Variants in SLCO3A1 observed in about 807,000 individuals in gnomAD.
SLCO3A1 encodes the protein solute carrier organic anion transporter family member 3A1.
SLCO3A1 carries 27 observed loss-of-function variants against 63.1 expected under a neutral mutation model. That is an observed-to-expected ratio of 0.43 (90% CI 0.32 to 0.59). The LOEUF is 0.59. SLCO3A1 is among the 20% of genes least tolerant of loss of function. The pLI is 0.09. For missense variants in SLCO3A1, 773 were observed against 945.8 expected (o/e 0.82, Z 2.40); for synonymous variants, 473 against 409.9 (o/e 1.15, Z -1.86).
chr15:91,922,717 T>G (rs1053592801), intron 2 of SLCO3A1, among the ~76,000 whole-genome samples: 2 of 152,256 alleles, frequency 1.3e-5, no homozygotes, highest in Admixed American at 1.3e-4. Context: ...GAGCAAGCAT[T>G]GCTCATTATA....
chr15:91,876,409 T>G (rs190792846), intron 1 of SLCO3A1, among the ~76,000 whole-genome samples: 2 of 152,312 alleles, frequency 1.3e-5, no homozygotes, highest in Admixed American at 1.3e-4. Flanking sequence ...GACTGCCAAC[T>G]TCAAGGGAGC....
intron 2 of SLCO3A1, among the ~76,000 whole-genome samples, chr15:92,080,564 G>A (rs147575037): frequency 9.2e-5 from 14 of 152,202 alleles, no homozygotes; most frequent in African/African-American, 2.2e-4. Flanking sequence ...TTGATGCACC[G>A]CTAGGGCCCT....
At chr15:91,864,094 C>A (rs1312840144) in intron 1 of SLCO3A1, among the ~76,000 whole-genome samples, 9 of 152,218 alleles carry the variant, frequency 5.9e-5, no homozygotes, top group African/African-American at 2.2e-4. Flanking sequence ...CACGTGGAGC[C>A]AGCAGTGCTT....
chr15:91,955,995 T>C (rs902344397), intron 2 of SLCO3A1, among the ~76,000 whole-genome samples: 8 of 152,162 alleles, frequency 5.3e-5, no homozygotes, highest in African/African-American at 1.9e-4. Context: ...AAAAGCCTCT[T>C]GGGATGTGTA....
intron 1 of SLCO3A1, among the ~76,000 whole-genome samples, chr15:91,861,750 A>G (rs963360066): frequency 6.6e-6 from 1 of 151,894 alleles, no homozygotes; most frequent in African/African-American, 2.4e-5. Flanking sequence ...CAACCTCCCA[A>G]GTAGCTGGGA....
intron 2 of SLCO3A1, among the ~76,000 whole-genome samples, chr15:92,065,428 C>T (rs1392444482): frequency 6.6e-6 from 1 of 152,102 alleles, no homozygotes; most frequent in African/African-American, 2.4e-5. Context: ...ATGCTTGTAT[C>T]AGAATATCAC....
At chr15:91,926,597 G>GTGTGTGTGTGCGCGCGCA (rs1304406067) in intron 2 of SLCO3A1, among the ~76,000 whole-genome samples, 2 of 31,854 alleles carry the variant, frequency 6.3e-5, no homozygotes, top group African/African-American at 1.3e-4. Flanking sequence ...GTGTGTGTGT[G>GTGTGTGTGTGCGCGCGCA]CGCGCGCGCA....
At chr15:92,028,481 A>G (rs1179330976) in intron 2 of SLCO3A1, among the ~76,000 whole-genome samples, 1 of 152,196 alleles carries the variant, frequency 6.6e-6, no homozygotes, top group Admixed American at 6.5e-5. Flanking sequence ...CTAGACAGCC[A>G]GTGTTCTAGG....
At position 92,143,435 on chromosome 15, in the gene SLCO3A1, AT is replaced by A. The variant is rs2048170509; in HGVS notation, c.1513-3548del. On this transcript the variant is annotated intron_variant, in intron 7 of 9. Coordinates refer to ENST00000318445, the MANE Select transcript of SLCO3A1 (RefSeq NM_013272.4). ...TATATATATTATATATATATAATAT[AT>A]ATAATATATATATAATATATATAAT... Among the ~76,000 whole-genome samples the A allele has an allele frequency of 4.7e-4, 5 of 10,538 alleles. 2 individuals carry two copies. The highest frequency in any genetic ancestry group is 4.1e-4 in the Non-Finnish European group (3 of 7,352). 6.9% of individuals were successfully genotyped at this position (10,538 alleles called of 152,430 possible). A position where few individuals can be genotyped will look rare whatever the true frequency, so the allele number is the denominator to read the frequency against.
At chr15:92,036,067 G>A (rs1448360294) in intron 2 of SLCO3A1, among the ~76,000 whole-genome samples, 2 of 152,164 alleles carry the variant, frequency 1.3e-5, no homozygotes, top group African/African-American at 4.8e-5. Context: ...GCACCACCAA[G>A]CCACTCTCCA....
At chr15:92,042,717 C>T (rs1375358426) in intron 2 of SLCO3A1, among the ~76,000 whole-genome samples, 2 of 152,064 alleles carry the variant, frequency 1.3e-5, no homozygotes, top group South Asian at 4.1e-4. Flanking sequence ...GGAGGGCAGC[C>T]TTTCCATGCA....
intron 2 of SLCO3A1, among the ~76,000 whole-genome samples, chr15:92,053,825 G>A (rs965493854): frequency 9.9e-5 from 15 of 151,954 alleles, no homozygotes; most frequent in Admixed American, 5.2e-4. Context: ...CTTATCACTG[G>A]GGGTATTGGC....
intron 2 of SLCO3A1, among the ~76,000 whole-genome samples, chr15:92,082,663 A>G (rs900867572): frequency 4.6e-5 from 7 of 152,238 alleles, no homozygotes; most frequent in Non-Finnish European, 8.8e-5. Context: ...GAAGATTTGC[A>G]TGCATTACAT....
At chr15:92,111,716 A>G (rs17597560) in intron 4 of SLCO3A1, among the ~76,000 whole-genome samples, 4,195 of 152,304 alleles carry the variant, frequency 0.028, 86 homozygotes, top group Admixed American at 0.045. Context: ...GAGACAAACC[A>G]TGTGAGGGTG....
At chr15:91,918,551 A>G (rs1322617589) in intron 2 of SLCO3A1, among the ~76,000 whole-genome samples, 1 of 152,202 alleles carries the variant, frequency 6.6e-6, no homozygotes, top group Non-Finnish European at 1.5e-5. Context: ...ATTGGCCTCA[A>G]TAGGGGGCCT....
At chr15:92,116,736 G>A (rs759904150) in intron 4 of SLCO3A1, among the ~76,000 whole-genome samples, 5 of 152,176 alleles carry the variant, frequency 3.3e-5, no homozygotes, top group Non-Finnish European at 5.9e-5. Flanking sequence ...CTCAAACTAG[G>A]GTTTTGGAAG....
chr15:91,909,305 G>A (rs1325420654), intron 1 of SLCO3A1, among the ~76,000 whole-genome samples: 3 of 152,126 alleles, frequency 2.0e-5, no homozygotes, highest in Non-Finnish European at 2.9e-5. Context: ...TGTAAATAAA[G>A]TTTTATTGAA....
intron 3 of SLCO3A1, among the ~76,000 whole-genome samples, chr15:92,103,740 C>T (rs1226189681): frequency 6.6e-6 from 1 of 151,986 alleles, no homozygotes; most frequent in Non-Finnish European, 1.5e-5. Context: ...TAGGGTCACA[C>T]AGAGACAAAG....
intron 9 of SLCO3A1, among the ~76,000 whole-genome samples, chr15:92,153,042 G>A (rs1165066213): frequency 6.6e-6 from 1 of 152,246 alleles, no homozygotes; most frequent in Non-Finnish European, 1.5e-5. Context: ...TGAACATTAT[G>A]AGGCATATGA....
Sources: allele counts gnomAD v4.1 joint callset (sites outside exome capture counted in the v4.1 genomes callset), GRCh38; gene constraint gnomAD v4.1.1; transcripts MANE v1.5; gene names NCBI Gene and HGNC (gene_info 2026-07-23, HGNC 2026-07-21).